The following VRK2 variants were observed in gnomAD, a reference collection of about 807,000 sequenced individuals.
VRK2 encodes the protein VRK serine/threonine kinase 2.
A neutral mutation model predicts 57.6 loss-of-function variants in VRK2; 60 were observed. The ratio of observed to expected loss-of-function variants is 1.04; its 90% CI spans 0.85 to 1.29. The LOEUF (loss-of-function observed/expected upper bound fraction) is 1.29. Ranked by LOEUF, VRK2 falls within the 50% of genes most tolerant of loss-of-function variation. The pLI, the probability that VRK2 is intolerant of heterozygous loss-of-function variation, is 0.00. For synonymous variants in VRK2, 231 were observed against 199.2 expected (o/e 1.16, Z -1.35); for missense variants, 705 against 588.1 (o/e 1.20, Z -2.06).
chr2:57,954,348 T>C (rs540754404), intron 1 of VRK2, among the ~76,000 whole-genome samples: 1 of 152,198 alleles, frequency 6.6e-6, no homozygotes, highest in East Asian at 1.9e-4. Context: ...AAGAAGTAAA[T>C]ATCGCCTCAT....
chr2:58,001,968 T>C (rs1175669233), intron 1 of VRK2, among the ~76,000 whole-genome samples: 4 of 152,118 alleles, frequency 2.6e-5, no homozygotes, highest in African/African-American at 9.7e-5. Flanking sequence ...TGACTAGAAT[T>C]TAACACCACT....
rs1045567336 is a variant in VRK2, at chr2:58,007,537, T to G, written c.-438-18128T>G. 2.0e-5 allele frequency among the ~76,000 whole-genome samples: 3 copies of G among 152,130 alleles called. No individual in the cohort carries two copies. In the East Asian group the frequency reaches 5.8e-4, roughly 29 times the overall value. ...TCCACATAATAAATACTAAATATAT[T>G]TTCCTCTTATAATTTTCTTAATAAC... On this transcript the variant is annotated intron_variant, in intron 1 of 15. Coordinates refer to the VRK2 transcript ENST00000417641.
intron 1 of VRK2, among the ~76,000 whole-genome samples, chr2:57,918,494 G>T (rs959140507): frequency 1.3e-5 from 2 of 151,996 alleles, no homozygotes; most frequent in Non-Finnish European, 2.9e-5. Context: ...CTTTTCTTCA[G>T]ATGTATTGTC....
chr2:57,927,152 A>G (rs559038777), intron 1 of VRK2, among the ~76,000 whole-genome samples: 27 of 152,154 alleles, frequency 1.8e-4, no homozygotes, highest in African/African-American at 6.3e-4. Flanking sequence ...AAAACTAATA[A>G]AACTCTACAC....
At chr2:57,927,666 A>T (rs907145249) in intron 1 of VRK2, among the ~76,000 whole-genome samples, 1 of 152,126 alleles carries the variant, frequency 6.6e-6, no homozygotes, top group Non-Finnish European at 1.5e-5. Context: ...ACTGCTCATT[A>T]ATGTCTTCAT....
chr2:58,082,590 G>C (rs1671043711), intron 2 of VRK2, among the ~76,000 whole-genome samples: 1 of 151,580 alleles, frequency 6.6e-6, no homozygotes, highest in Admixed American at 6.6e-5. Flanking sequence ...TCTATACCAA[G>C]ACTGGACTCT....
intron 7 of VRK2, among the ~76,000 whole-genome samples, chr2:58,116,701 G>T (rs1163115332): frequency 6.6e-6 from 1 of 152,228 alleles, no homozygotes; most frequent in Non-Finnish European, 1.5e-5. Flanking sequence ...GCTAAGCCAA[G>T]AAGGAGTCAG....
chr2:58,143,082 A>AT (rs1181435273), intron 11 of VRK2, among the ~76,000 whole-genome samples: 1 of 151,908 alleles, frequency 6.6e-6, no homozygotes, highest in Non-Finnish European at 1.5e-5. Flanking sequence ...TTTGTATAGA[A>AT]TTTAACGGTT....
chr2:58,027,062 A>T (rs1454955657), intron 2 of VRK2, among the ~76,000 whole-genome samples: 1 of 152,198 alleles, frequency 6.6e-6, no homozygotes, highest in East Asian at 1.9e-4. Context: ...CTAAAGAGTA[A>T]TTTTAAACTT....
intron 12 of VRK2, among the ~76,000 whole-genome samples, chr2:58,151,143 G>A (rs1035725369): frequency 1.3e-5 from 2 of 151,522 alleles, no homozygotes; most frequent in Non-Finnish European, 1.5e-5. Flanking sequence ...TTTTGTCCTC[G>A]TTTTATCATT....
chr2:58,125,799 T>C (rs1441175514), intron 8 of VRK2, among the ~76,000 whole-genome samples: 1 of 152,076 alleles, frequency 6.6e-6, no homozygotes, highest in African/African-American at 2.4e-5. Flanking sequence ...CACCCACATA[T>C]ATATTTGCTG....
chr2:58,108,847 T>C (rs147513022), intron 7 of VRK2, among the ~76,000 whole-genome samples: 5 of 152,306 alleles, frequency 3.3e-5, no homozygotes, highest in Admixed American at 2.6e-4. Context: ...GTCAGATTGA[T>C]TTAGGTTCAA....
chr2:58,027,576 G>A (rs1363730370), intron 2 of VRK2, among the ~76,000 whole-genome samples: 1 of 152,072 alleles, frequency 6.6e-6, no homozygotes, highest in East Asian at 1.9e-4. Flanking sequence ...GTGGATTGGT[G>A]GAAAGGGGGA....
chr2:58,075,762 T>A (rs1319770432), intron 2 of VRK2, among the ~76,000 whole-genome samples: 1 of 152,020 alleles, frequency 6.6e-6, no homozygotes, highest in African/African-American at 2.4e-5. Flanking sequence ...TTATTTTTCT[T>A]CTCCCATGTT....
In VRK2 at chr2:58,048,795, T is replaced by C. The variant is rs768778021; in HGVS notation, c.-5-32T>C. 2.5e-6 allele frequency: 4 copies of C among 1,601,360 alleles called. No homozygotes were observed. The South Asian group carries it at 4.5e-5, about 18-fold the overall frequency. ...GAGTTTTGTTTGTTTGTTTTTCTTT[T>C]TACCCATTTATCTCACCCCTTCTGC... On this transcript the variant is annotated intron_variant, in intron 1 of 12. Transcript: ENST00000340157.
intron 1 of VRK2, among the ~76,000 whole-genome samples, chr2:57,972,993 C>CT (rs1672142620): frequency 6.6e-6 from 1 of 151,870 alleles, no homozygotes; most frequent in South Asian, 2.1e-4. Flanking sequence ...GTCTTGTGAA[C>CT]ATGCCTTTTC....
At chr2:58,068,952 GAA>G (rs1274953672) in intron 2 of VRK2, among the ~76,000 whole-genome samples, 1 of 151,052 alleles carries the variant, frequency 6.6e-6, no homozygotes, top group Non-Finnish European at 1.5e-5. Flanking sequence ...TTTATTTATT[GAA>G]ACATTTTTAT....
At chr2:58,093,785 T>G (rs1323241151) in intron 7 of VRK2, among the ~76,000 whole-genome samples, 1 of 152,236 alleles carries the variant, frequency 6.6e-6, no homozygotes, top group African/African-American at 2.4e-5. Context: ...TTCTAGGGTT[T>G]TTATGGTTTT....
intron 1 of VRK2, among the ~76,000 whole-genome samples, chr2:57,947,498 G>A (rs1199543970): frequency 6.6e-6 from 1 of 152,054 alleles, no homozygotes; most frequent in Non-Finnish European, 1.5e-5. Context: ...AGCCCAGCTT[G>A]ACACATGGCA....
Sources: gnomAD v4.1 joint callset for allele counts (sites outside exome capture counted in the v4.1 genomes callset) on GRCh38, gnomAD v4.1.1 for gene constraint, MANE v1.5 for transcripts, NCBI Gene and HGNC (gene_info 2026-07-23, HGNC 2026-07-21) for gene names.